Variants in MEI4 observed in about 807,000 individuals in gnomAD.
MEI4 encodes meiotic double-stranded break formation protein 4.
MEI4 carries 27 observed loss-of-function variants against 31.4 expected under a neutral mutation model. The ratio of observed to expected loss-of-function variants is 0.86; its 90% CI spans 0.63 to 1.19. The LOEUF is 1.19. Among genes scored for constraint, MEI4 ranks in the 50% most tolerant of loss-of-function variants. MEI4 has a pLI of 0.00. For synonymous variants in MEI4, 122 were observed against 145.4 expected (o/e 0.84, Z 1.16); for missense variants, 329 against 398.9 (o/e 0.82, Z 1.49).
At chr6:77,712,758 T>G (rs2094656739) in intron 2 of MEI4, among the ~76,000 whole-genome samples, 1 of 151,746 alleles carries the variant, frequency 6.6e-6, no homozygotes, top group Admixed American at 6.6e-5. Flanking sequence ...GATCACGAGG[T>G]CAGGAGATGG....
intron 4 of MEI4, among the ~76,000 whole-genome samples, chr6:77,883,742 A>ATATATATATATATATATATATG (rs922153293): frequency 1.0e-4 from 14 of 139,858 alleles, no homozygotes; most frequent in African/African-American, 3.3e-4. Flanking sequence ...ATATATATAT[A>ATATATATATATATATATATATG]TAACTTTGTC....
intron 2 of MEI4, among the ~76,000 whole-genome samples, chr6:77,751,425 T>TGATAAAGGG (rs1270725207): frequency 6.6e-6 from 1 of 151,600 alleles, no homozygotes; most frequent in Non-Finnish European, 1.5e-5. Context: ...AAATAAAAAA[T>TGATAAAGGG]GATAAAGGGG....
At chr6:77,808,371 A>G (rs1454350102) in intron 3 of MEI4, among the ~76,000 whole-genome samples, 2 of 152,206 alleles carry the variant, frequency 1.3e-5, no homozygotes, top group Admixed American at 1.3e-4. Context: ...AGATGATGGC[A>G]CTAAAAAGAG....
At chr6:77,800,356 A>G (rs576388313) in intron 3 of MEI4, among the ~76,000 whole-genome samples, 1 of 152,220 alleles carries the variant, frequency 6.6e-6, no homozygotes, top group South Asian at 2.1e-4. Flanking sequence ...GTATCCTGAG[A>G]CTTTGCTGAA....
chr6:77,712,719 C>G (rs1446061546), intron 2 of MEI4, among the ~76,000 whole-genome samples: 1 of 152,086 alleles, frequency 6.6e-6, no homozygotes, highest in Non-Finnish European at 1.5e-5. Flanking sequence ...TGCCTGTAAT[C>G]CCAGCACTTT....
At chr6:77,779,283 G>T (rs1487031705) in intron 3 of MEI4, among the ~76,000 whole-genome samples, 2 of 152,176 alleles carry the variant, frequency 1.3e-5, no homozygotes, top group Non-Finnish European at 2.9e-5. Flanking sequence ...AGTATAGTCA[G>T]CTTTGCTGCA....
At chr6:77,813,403 A>G (rs1346082093) in intron 3 of MEI4, among the ~76,000 whole-genome samples, 1 of 152,266 alleles carries the variant, frequency 6.6e-6, no homozygotes, top group South Asian at 2.1e-4. Context: ...CCCCTAAGAA[A>G]AGCAAACAAA....
chr6:77,787,279 CTG>C (rs1303293917), intron 3 of MEI4, among the ~76,000 whole-genome samples: 5 of 152,196 alleles, frequency 3.3e-5, no homozygotes, highest in African/African-American at 9.6e-5. Flanking sequence ...CCACATTCAT[CTG>C]TGCACCTGCT....
chr6:77,736,073 C>G (rs984299891), intron 2 of MEI4, among the ~76,000 whole-genome samples: 1 of 152,080 alleles, frequency 6.6e-6, no homozygotes, highest in Admixed American at 6.5e-5. Flanking sequence ...GCAGAGGTTA[C>G]TGCTGTCTTT....
intron 4 of MEI4, among the ~76,000 whole-genome samples, chr6:77,863,460 A>T (rs1435738723): frequency 6.6e-6 from 1 of 152,036 alleles, no homozygotes; most frequent in East Asian, 1.9e-4. Flanking sequence ...AGCCAACTCG[A>T]TCAACTGGAA....
At chr6:77,733,800 T>C (rs1767090293) in intron 2 of MEI4, among the ~76,000 whole-genome samples, 1 of 152,074 alleles carries the variant, frequency 6.6e-6, no homozygotes, top group South Asian at 2.1e-4. Flanking sequence ...GTGCTTTGAA[T>C]GTGTCCCAGA....
chr6:77,896,531 C>T (rs559265206), intron 4 of MEI4, among the ~76,000 whole-genome samples: 18 of 152,098 alleles, frequency 1.2e-4, no homozygotes, highest in Non-Finnish European at 2.6e-4. Context: ...AAGCTAGTTT[C>T]GTAAATACTG....
chr6:77,732,505 T>G (rs560785335), intron 2 of MEI4, among the ~76,000 whole-genome samples: 1 of 151,760 alleles, frequency 6.6e-6, no homozygotes, highest in Non-Finnish European at 1.5e-5. Flanking sequence ...CTGAAGTTGC[T>G]TATCAGCTTA....
intron 2 of MEI4, among the ~76,000 whole-genome samples, chr6:77,732,578 G>C (rs986149576): frequency 1.3e-5 from 2 of 151,752 alleles, no homozygotes; most frequent in African/African-American, 2.4e-5. Flanking sequence ...TGCAAACAGG[G>C]ACAATTTGAC....
intron 4 of MEI4, among the ~76,000 whole-genome samples, chr6:77,846,029 A>G (rs1288559379): frequency 6.6e-6 from 1 of 151,876 alleles, no homozygotes; most frequent in East Asian, 1.9e-4. Context: ...TCTATTACAT[A>G]TCAAGTGAAT....
chr6:77,861,590 T>C (rs1025122451), intron 4 of MEI4, among the ~76,000 whole-genome samples: 3 of 152,212 alleles, frequency 2.0e-5, no homozygotes, highest in African/African-American at 7.2e-5. Flanking sequence ...TTTTTTTACA[T>C]GTGCTTTCTC....
chr6:77,699,962 G>T (rs1766176075), intron 2 of MEI4, among the ~76,000 whole-genome samples: 1 of 152,176 alleles, frequency 6.6e-6, no homozygotes, highest in African/African-American at 2.4e-5. Flanking sequence ...TGGAAGTTTT[G>T]TCTCAGAGGC....
At chr6:77,767,420 C>T (rs1483816772) in intron 3 of MEI4, among the ~76,000 whole-genome samples, 1 of 151,798 alleles carries the variant, frequency 6.6e-6, no homozygotes, top group East Asian at 1.9e-4. Flanking sequence ...ATAAGTCAGG[C>T]ATGGTGGCTC....
intron 1 of MEI4, among the ~76,000 whole-genome samples, chr6:77,665,718 G>C (rs1375178432): frequency 2.6e-5 from 4 of 152,168 alleles, no homozygotes; most frequent in African/African-American, 9.7e-5. Flanking sequence ...CAGATAAAAC[G>C]TGTCTCCTTT....
Sources: gnomAD v4.1 joint callset for allele counts (sites outside exome capture counted in the v4.1 genomes callset) on GRCh38, gnomAD v4.1.1 for gene constraint, MANE v1.5 for transcripts, NCBI Gene and HGNC (gene_info 2026-07-23, HGNC 2026-07-21) for gene names.